Variants in URGCP observed in about 807,000 individuals in gnomAD.
URGCP encodes the protein up-regulator of cell proliferation.
A neutral mutation model predicts 24.6 loss-of-function variants in URGCP; 13 were observed. The observed-to-expected ratio is 0.53, with a 90% CI of 0.34 to 0.84. The LOEUF (loss-of-function observed/expected upper bound fraction) is 0.84, where lower values mean the gene tolerates loss of function less well. URGCP is among the 40% of genes least tolerant of loss of function. The pLI is 0.01. For synonymous variants in URGCP, 444 were observed against 487.2 expected, an observed-to-expected ratio of 0.91 and a Z score of 1.17; for missense variants, 899 against 1,194.3, an observed-to-expected ratio of 0.75 and a Z score of 3.64.
chr7:43,908,792 G>T (rs1192616744), upstream of URGCP, among the ~76,000 whole-genome samples: 1 of 152,120 alleles, frequency 6.6e-6, no homozygotes, highest in Non-Finnish European at 1.5e-5. Flanking sequence ...TTGGGTGGTG[G>T]GAAATCATTC....
At chr7:43,882,000 A>G in intron 3 of URGCP, 43 bp from the exon 4 acceptor site, 1 of 1,613,048 alleles carries the variant, frequency 6.2e-7, no homozygotes, top group South Asian at 1.1e-5. Flanking sequence ...TTCATCAGCA[A>G]GTTAGAACCT....
At chr7:43,921,994 G>T (rs1425730293) in intron 1 of URGCP, among the ~76,000 whole-genome samples, 1 of 152,068 alleles carries the variant, frequency 6.6e-6, no homozygotes, top group Non-Finnish European at 1.5e-5. Flanking sequence ...CCAGGTTCAA[G>T]CTATTCTCCT....
At chr7:43,894,273 ATTC>A (rs1222566818) in intron 1 of URGCP, among the ~76,000 whole-genome samples, 1 of 152,224 alleles carries the variant, frequency 6.6e-6, no homozygotes, top group African/African-American at 2.4e-5. Context: ...CAAAATATAC[ATTC>A]TTCTCACCAG....
At chr7:43,880,194 A>T (rs1383401706) in intron 5 of URGCP, among the ~76,000 whole-genome samples, 2 of 152,122 alleles carry the variant, frequency 1.3e-5, no homozygotes, top group African/African-American at 4.8e-5. Context: ...AAGTGCTGGG[A>T]TTACAGGTGT....
chr7:43,880,330 T>C (rs1420463516), intron 5 of URGCP, among the ~76,000 whole-genome samples: 1 of 152,200 alleles, frequency 6.6e-6, no homozygotes, highest in Non-Finnish European at 1.5e-5. Flanking sequence ...CAATATAAGA[T>C]CTTATAAGCT....
At chr7:43,926,444 C>G, upstream of URGCP, 1 of 1,198,016 alleles carries the variant, frequency 8.3e-7, no homozygotes, top group South Asian at 2.4e-5. Context: ...CTGCGGCTCC[C>G]GGCGTGCAGC....
intron 1 of URGCP, among the ~76,000 whole-genome samples, chr7:43,917,611 C>T (rs1284917082): frequency 4.6e-5 from 7 of 152,204 alleles, no homozygotes; most frequent in Admixed American, 4.6e-4. Context: ...TGTTGATTCT[C>T]TTCCCCTTCA....
intron 1 of URGCP, among the ~76,000 whole-genome samples, chr7:43,918,262 C>CAAAAAAA (rs757829729): frequency 1.8e-5 from 1 of 55,230 alleles, no homozygotes; most frequent in Admixed American, 2.0e-4. Context: ...CAATAGACCT[C>CAAAAAAA]AAAAAAAAAA....
chr7:43,898,584 C>A (rs1438281496), intron 1 of URGCP, among the ~76,000 whole-genome samples: 1 of 151,912 alleles, frequency 6.6e-6, no homozygotes, highest in African/African-American at 2.4e-5. Context: ...CTGAGCAACA[C>A]AGTGAAACCC....
chr7:43,895,778 TATGGAGGTTTCTCAAA>T (rs1461445566), intron 1 of URGCP, among the ~76,000 whole-genome samples: 1 of 152,222 alleles, frequency 6.6e-6, no homozygotes, highest in Non-Finnish European at 1.5e-5. Flanking sequence ...GGAAAACCTT[TATGGAGGTTTCTCAAA>T]AACTAAAAAT....
chr7:43,921,396 T>C (rs1000024429), intron 1 of URGCP, among the ~76,000 whole-genome samples: 16 of 152,172 alleles, frequency 1.1e-4, no homozygotes, highest in African/African-American at 3.9e-4. Context: ...TTTGATCAGA[T>C]ATTTTTGAAG....
chr7:43,887,984 GGATGA>G (rs1317742310), intron 1 of URGCP, 168 bp from the exon 2 acceptor site: 7 of 583,982 alleles, frequency 1.2e-5, no homozygotes, highest in African/African-American at 1.1e-4. Context: ...AAAAGATGCT[GGATGA>G]GATATTAGGG....
chr7:43,917,625 A>G (rs959435124), intron 1 of URGCP, among the ~76,000 whole-genome samples: 2 of 152,018 alleles, frequency 1.3e-5, no homozygotes, highest in African/African-American at 2.4e-5. Context: ...CCCTTCATGA[A>G]CCACCTTAAA....
Position 43,881,395 on chromosome 7 carries a change from T to A in URGCP, c.202+264A>T. The stretch of plus-strand genomic sequence containing the variant: ...CTCTGGGTTTCACCTCCAAACATGC[T>A]AACTTATTAAAGGCAGTGAGTATGT... On this transcript the variant is annotated intron_variant, in intron 5 of 5. Coordinates refer to ENST00000453200, the MANE Select transcript of URGCP (RefSeq NM_001077663.3). 8.2e-6 allele frequency: 5 copies of A among 611,934 alleles called. No individual in the cohort carries two copies. The East Asian group carries it at 1.4e-4, about 17-fold the overall frequency. 37.9% of individuals were successfully genotyped at this position (611,934 alleles called of 1,614,324 possible).
At chr7:43,926,644 G>C (rs1411510675), upstream of URGCP, 6 of 1,403,544 alleles carry the variant, frequency 4.3e-6, no homozygotes, top group African/African-American at 3.0e-5. Flanking sequence ...GAAAGGTGAC[G>C]GAGGCTCCGC....
At position 43,887,365 on chromosome 7, in the gene URGCP, G is replaced by A. The variant is rs996060598; in HGVS notation, c.112+50C>T. ...AACCCAGAATCCCAAGGGGACAGGAGAAGTACTTCAGCTCCAGAGTGGGCC... is the reference window on the plus strand; with the variant it reads ...AACCCAGAATCCCAAGGGGACAGGAAAAGTACTTCAGCTCCAGAGTGGGCC... On this transcript the variant is annotated intron_variant, in intron 3 of 5. Transcript: ENST00000453200. 1.9e-6 allele frequency: 3 copies of A among 1,606,772 alleles called. No homozygotes were observed. In the African/African-American group the frequency reaches 4.0e-5, roughly 22 times the overall value.
Position 43,877,990 on chromosome 7 carries a change from C to T in URGCP, c.1473G>A (p.Arg491=). The T allele has an allele frequency of 6.2e-7, 1 of 1,614,226 alleles. No individual in the cohort carries two copies. Among genetic ancestry groups the T allele is most frequent in the South Asian group, 1.1e-5 (1 of 91,090 alleles). ...GGTCCCCCTGCAGCCTCAGCTCGTC[C>T]CTTCTGTAGGCATCCGAGTCTTTGA... ...RKIKDSDAYR[R]DELRLQGDPW... Residue 491 remains arginine (R), a synonymous_variant, in exon 6 of 6, where the codon AGG becomes AGA. Coordinates refer to ENST00000453200, the MANE Select transcript of URGCP (RefSeq NM_001077663.3).
chr7:43,890,568 A>G (rs2095869232), intron 1 of URGCP, among the ~76,000 whole-genome samples: 3 of 152,224 alleles, frequency 2.0e-5, no homozygotes, highest in South Asian at 2.1e-4. Flanking sequence ...GAATACAGTC[A>G]GAACACAGGA....
rs371487282 is a variant in URGCP, at chr7:43,911,794, A to G, written c.-116+14338T>C. Among the ~76,000 whole-genome samples, 68 of 152,358 alleles carry G rather than the reference A, an allele frequency of 4.5e-4. 1 individual carries two copies. The South Asian group carries it at 7.7e-3, about 17-fold the overall frequency. ...AAATGCACATGGAACACTCTCCAAG[A>G]TAGACCATATGTTAGGTCACAAAAC... On this transcript the variant is annotated intron_variant, in intron 1 of 5. Transcript: ENST00000426198.
Sources: gnomAD v4.1 joint callset for allele counts (sites outside exome capture counted in the v4.1 genomes callset) on GRCh38, gnomAD v4.1.1 for gene constraint, MANE v1.5 for transcripts, NCBI Gene and HGNC (gene_info 2026-07-23, HGNC 2026-07-21) for gene names.